The following SPATA13 variants were observed in gnomAD, a reference collection of about 807,000 sequenced individuals.
SPATA13 encodes the protein spermatogenesis-associated protein 13.
In SPATA13, 50 loss-of-function variants were observed where a neutral mutation model predicts 104.0. That is an observed-to-expected ratio of 0.48 (90% CI 0.38 to 0.61). SPATA13 has a LOEUF of 0.61. Among genes scored for constraint, SPATA13 ranks in the 20% least tolerant of loss-of-function variants. The pLI is 0.00. For synonymous variants in SPATA13, 606 were observed against 667.5 expected, an observed-to-expected ratio of 0.91 and a Z score of 1.42; for missense variants, 1,524 against 1,690.6, an observed-to-expected ratio of 0.90 and a Z score of 1.73.
intron 3 of SPATA13, among the ~76,000 whole-genome samples, chr13:24,061,449 A>G (rs1006062006): frequency 3.7e-4 from 56 of 152,334 alleles, no homozygotes; most frequent in African/African-American, 1.3e-3. Context: ...CAACAATAGC[A>G]GAGACATGGA....
chr13:24,126,814 G>T (rs1161338955), intron 3 of SPATA13, among the ~76,000 whole-genome samples: 1 of 152,090 alleles, frequency 6.6e-6, no homozygotes, highest in East Asian at 1.9e-4. Context: ...GCCTTGGCCT[G>T]TCAGCTTGGG....
intron 3 of SPATA13, among the ~76,000 whole-genome samples, chr13:24,143,997 G>T (rs1881848939): frequency 6.6e-6 from 1 of 152,180 alleles, no homozygotes; most frequent in Non-Finnish European, 1.5e-5. Flanking sequence ...GCCGCCCAGG[G>T]TTGGCCAGAA....
At chr13:24,234,109 A>T (rs1304927661) in intron 2 of SPATA13, among the ~76,000 whole-genome samples, 1 of 152,164 alleles carries the variant, frequency 6.6e-6, no homozygotes, top group Non-Finnish European at 1.5e-5. Context: ...TGCACAAGAG[A>T]CTAAATGCCA....
chr13:24,192,092 G>A (rs372873532), intron 1 of SPATA13, among the ~76,000 whole-genome samples: 4 of 152,040 alleles, frequency 2.6e-5, no homozygotes, highest in African/African-American at 9.7e-5. Flanking sequence ...CTTCTACCCC[G>A]ATCTGTGGCT....
At chr13:24,025,816 T>TC (rs1359525116) in intron 3 of SPATA13, among the ~76,000 whole-genome samples, 1 of 33,126 alleles carries the variant, frequency 3.0e-5, no homozygotes, top group Admixed American at 2.5e-4. Context: ...TTTCTTTCTT[T>TC]TTTTTTTTTT....
chr13:24,064,386 C>T (rs1385045354), intron 3 of SPATA13, among the ~76,000 whole-genome samples: 1 of 152,114 alleles, frequency 6.6e-6, no homozygotes, highest in African/African-American at 2.4e-5. Flanking sequence ...CTGCAATGGA[C>T]TAAATGTTTT....
chr13:24,136,591 A>G (rs914931612), intron 3 of SPATA13, among the ~76,000 whole-genome samples: 22 of 152,202 alleles, frequency 1.4e-4, no homozygotes, highest in African/African-American at 2.4e-5. Flanking sequence ...AAACTGTCAG[A>G]TGAATTCTGT....
upstream of SPATA13, among the ~76,000 whole-genome samples, chr13:24,159,590 G>A (rs983307154): frequency 6.6e-6 from 1 of 152,174 alleles, no homozygotes; most frequent in African/African-American, 2.4e-5. Flanking sequence ...GTTACATTAA[G>A]ATGAACTAAG....
At chr13:24,103,812 C>T (rs1031822679) in intron 3 of SPATA13, among the ~76,000 whole-genome samples, 1 of 152,028 alleles carries the variant, frequency 6.6e-6, no homozygotes. Flanking sequence ...CATCTACATC[C>T]CTTTCCAGAG....
intron 3 of SPATA13, among the ~76,000 whole-genome samples, chr13:24,078,234 GA>G (rs1334080486): frequency 2.6e-5 from 4 of 152,126 alleles, no homozygotes; most frequent in African/African-American, 9.7e-5. Flanking sequence ...TACCAAGCAG[GA>G]TCAAGAGAGG....
intron 2 of SPATA13, chr13:24,017,536 A>G (rs970719511): frequency 2.0e-5 from 4 of 196,934 alleles, no homozygotes; most frequent in Non-Finnish European, 3.7e-5. Flanking sequence ...ATACACACAT[A>G]TGTATATATA....
intron 9 of SPATA13, among the ~76,000 whole-genome samples, chr13:24,292,428 T>C (rs1270916910): frequency 6.6e-6 from 1 of 152,096 alleles, no homozygotes; most frequent in Admixed American, 6.6e-5. Context: ...GGCGCAGGGG[T>C]CTAGGCTAAA....
intron 3 of SPATA13, among the ~76,000 whole-genome samples, chr13:24,115,302 C>T (rs892186535): frequency 8.5e-5 from 13 of 152,168 alleles, no homozygotes; most frequent in Non-Finnish European, 1.2e-4. Context: ...CAAATAGCCC[C>T]GAGACTCAGC....
chr13:24,114,753 C>T (rs527449498), intron 3 of SPATA13, among the ~76,000 whole-genome samples: 1 of 152,262 alleles, frequency 6.6e-6, no homozygotes, highest in African/African-American at 2.4e-5. Context: ...ACTTCCACCT[C>T]CCGGGTTCAA....
intron 3 of SPATA13, among the ~76,000 whole-genome samples, chr13:24,064,953 T>C (rs1285698658): frequency 6.9e-6 from 1 of 144,086 alleles, no homozygotes; most frequent in Non-Finnish European, 1.5e-5. Flanking sequence ...AAAGCTTCCA[T>C]GAAAAACATG....
At chr13:24,098,429 CA>C (rs931842619) in intron 3 of SPATA13, among the ~76,000 whole-genome samples, 4 of 151,624 alleles carry the variant, frequency 2.6e-5, no homozygotes, top group African/African-American at 9.7e-5. Flanking sequence ...CCTGTCTCCA[CA>C]AAAAATACAG....
At chr13:23,990,246 G>C (rs1186911556) in intron 2 of SPATA13, among the ~76,000 whole-genome samples, 1 of 152,144 alleles carries the variant, frequency 6.6e-6, no homozygotes, top group East Asian at 1.9e-4. Flanking sequence ...ACCAAGAGGA[G>C]TTTATGAAAT....
intron 2 of SPATA13, among the ~76,000 whole-genome samples, chr13:24,008,469 C>G (rs375947610): frequency 3.2e-4 from 49 of 152,256 alleles, no homozygotes; most frequent in African/African-American, 1.1e-3. Flanking sequence ...TGAAAGAGGG[C>G]GGTGCCCCCA....
chr13:24,132,838 G>A (rs758443836), intron 3 of SPATA13, among the ~76,000 whole-genome samples: 9 of 152,142 alleles, frequency 5.9e-5, no homozygotes, highest in Non-Finnish European at 1.3e-4. Flanking sequence ...GCCAGTCGTG[G>A]TGGCACACGT....
Sources: gnomAD v4.1 joint callset for allele counts (sites outside exome capture counted in the v4.1 genomes callset) on GRCh38, gnomAD v4.1.1 for gene constraint, MANE v1.5 for transcripts, NCBI Gene and HGNC (gene_info 2026-07-23, HGNC 2026-07-21) for gene names.